Variants in KRT7 observed in about 807,000 individuals in gnomAD.
The protein encoded by KRT7 is keratin, type II cytoskeletal 7.
KRT7 carries 50 observed loss-of-function variants against 42.8 expected under a neutral mutation model. The observed-to-expected ratio is 1.17, with a 90% CI of 0.93 to 1.48. The LOEUF is 1.48. Among genes scored for constraint, KRT7 ranks in the 40% most tolerant of loss-of-function variants. The pLI is 0.00. For missense variants in KRT7, 588 were observed against 637.6 expected (o/e 0.92, Z 0.84); for synonymous variants, 268 against 266.3 (o/e 1.01, Z -0.06).
At chr12:52,238,229 G>A (rs1003414811) in intron 3 of KRT7, among the ~76,000 whole-genome samples, 4 of 152,188 alleles carry the variant, frequency 2.6e-5, no homozygotes, top group African/African-American at 9.7e-5. Flanking sequence ...AGGCCCACCT[G>A]CATCATAGTT....
At chr12:52,250,108 T>G (rs1416066499), downstream of KRT7, among the ~76,000 whole-genome samples, 3 of 152,102 alleles carry the variant, frequency 2.0e-5, no homozygotes, top group Admixed American at 2.0e-4. Flanking sequence ...TGCACGTGTA[T>G]TAGAAGACAT....
At chr12:52,235,411 A>T in intron 2 of KRT7, 45 bp downstream of exon 2, 1 of 1,525,132 alleles carries the variant, frequency 6.6e-7, no homozygotes, top group African/African-American at 1.4e-5. Flanking sequence ...CCCCGGGCCA[A>T]TGTGACCCTC....
At chr12:52,254,278 T>C (rs1942308974), downstream of KRT7, 1 of 956,914 alleles carries the variant, frequency 1.0e-6, no homozygotes, top group Non-Finnish European at 1.6e-6. Flanking sequence ...CCTCCTCATA[T>C]AGCCGCCTCA....
downstream of KRT7, chr12:52,253,631 C>T (rs1278861520): frequency 6.4e-7 from 1 of 1,557,296 alleles, no homozygotes; most frequent in Non-Finnish European, 8.8e-7. Context: ...CGGCCTCGGC[C>T]CGGCTGCGGG....
chr12:52,243,190 C>T lies in KRT7; in HGVS notation c.984+53C>T, dbSNP rs1045365635. 6.4e-6 allele frequency: 10 copies of T among 1,561,018 alleles called. No homozygotes were observed. In the African/African-American group the frequency reaches 1.2e-4, roughly 19 times the overall value. Reference sequence around the variant, plus strand: ...GCTACTTGGGGCATGCAGGGGTGGCCAGCTGAGGCCAAACTCAGGATGTGG... The same window carrying T: ...GCTACTTGGGGCATGCAGGGGTGGCTAGCTGAGGCCAAACTCAGGATGTGG... On this transcript the variant is annotated intron_variant, in intron 6 of 8. Coordinates refer to ENST00000331817, the MANE Select transcript of KRT7 (RefSeq NM_005556.4).
At chr12:52,244,138 G>C (rs1022093256) in intron 6 of KRT7, among the ~76,000 whole-genome samples, 25 of 152,240 alleles carry the variant, frequency 1.6e-4, no homozygotes, top group African/African-American at 5.8e-4. Flanking sequence ...TTCCAGATGA[G>C]CTGTGGGTGG....
At chr12:52,255,486 G>A (rs190296031), downstream of KRT7, 14 of 453,118 alleles carry the variant, frequency 3.1e-5, no homozygotes, top group Non-Finnish European at 4.0e-5. Flanking sequence ...AACACATTCC[G>A]GGAACTGGAT....
downstream of KRT7, chr12:52,254,249 G>A (rs769010177): frequency 6.0e-5 from 47 of 789,422 alleles, no homozygotes; most frequent in Non-Finnish European, 8.9e-5. Flanking sequence ...TTGCTGCCCC[G>A]CTGCTTTGTG....
At chr12:52,239,368 A>G (rs184802211) in intron 4 of KRT7, among the ~76,000 whole-genome samples, 2 of 152,330 alleles carry the variant, frequency 1.3e-5, no homozygotes, top group Admixed American at 1.3e-4. Context: ...ATTCAAGCAA[A>G]GGGCTAGTAT....
downstream of KRT7, chr12:52,252,240 T>A: frequency 1.9e-6 from 3 of 1,613,710 alleles, no homozygotes; most frequent in Non-Finnish European, 2.5e-6. Context: ...GGGGACACCC[T>A]CCCCACAGCT....
At position 52,237,571 on chromosome 12, in the gene KRT7, T is replaced by A. The variant is rs746006915; in HGVS notation, c.597+2T>A. 1 of 1,606,318 alleles carries A rather than the reference T, an allele frequency of 6.2e-7. No homozygotes were observed. Among genetic ancestry groups the A allele is most frequent in the East Asian group, 2.2e-5 (1 of 44,456 alleles). On this transcript the variant is annotated splice_donor_variant, in intron 3 of 8. Transcript: ENST00000331817. LOFTEE classifies it high-confidence loss of function. ...AATGAGTTTGTGGTGCTGAAGAAGG[T>A]GAGTGGGAAAGACAGGCTCGAGGAG...
downstream of KRT7, chr12:52,253,423 G>A: frequency 6.4e-7 from 1 of 1,571,592 alleles, no homozygotes; most frequent in South Asian, 1.1e-5. Flanking sequence ...AGGTTGTGCA[G>A]TGCTCAGCCT....
At chr12:52,247,309 C>T (rs1942189124) in intron 7 of KRT7, 1 of 152,246 alleles carries the variant, frequency 6.6e-6, no homozygotes, top group Admixed American at 6.5e-5. Context: ...TCTCCCCACC[C>T]ACAAGTGCCA....
At chr12:52,252,297 G>A (rs1453099981), downstream of KRT7, 8 of 1,614,008 alleles carry the variant, frequency 5.0e-6, no homozygotes, top group East Asian at 4.5e-5. Flanking sequence ...GCCTGTAGGT[G>A]GCGATCTCAA....
At chr12:52,250,604 G>T (rs1029214153), downstream of KRT7, 184 of 1,178,792 alleles carry the variant, frequency 1.6e-4, no homozygotes, top group Non-Finnish European at 2.0e-4. Context: ...ACACGCACAG[G>T]TCCCCGCATA....
At chr12:52,233,763 T>TG in intron 1 of KRT7, 143 bp downstream of exon 1, 3 of 826,124 alleles carry the variant, frequency 3.6e-6, no homozygotes, top group Non-Finnish European at 4.1e-6. Context: ...GGACACGATC[T>TG]GGGGGTCCTT....
chr12:52,233,246 G>C lies in KRT7; in HGVS notation c.-51G>C. The C allele has an allele frequency of 7.2e-7, 1 of 1,392,842 alleles. No individual in the cohort carries two copies. The highest frequency in any genetic ancestry group is 9.6e-7 in the Non-Finnish European group (1 of 1,046,068). The allele number at this position is 1,392,842 out of a possible 1,614,324, so 86.3% of individuals were successfully genotyped here. On this transcript the variant is annotated 5_prime_UTR_variant, in exon 1 of 9. Transcript: ENST00000331817. ...GGCGCGGAGTGTCCCCGAGGTCAGC[G>C]AGTGCGCGCTCCTCCTCGCCCGCCG...
chr12:52,241,659 T>A (rs2243588), intron 5 of KRT7, 23 bp downstream of exon 5: 1 of 1,582,998 alleles, frequency 6.3e-7, no homozygotes, highest in South Asian at 1.2e-5. Context: ...CAGGGGCGTA[T>A]TTCCTCCTGC....
rs1202496423 is a variant in KRT7 at position 52,237,721 on chromosome 12, C to CGTGTGT, written c.597+156_597+157insGTGTGT. The CGTGTGT allele has an allele frequency of 8.7e-4, 280 of 323,008 alleles. 1 individual carries two copies. The highest frequency in any genetic ancestry group is 2.9e-3 in the African/African-American group (86 of 29,290). The allele number at this position is 323,008 out of a possible 1,614,324, so 20.0% of individuals were successfully genotyped here. A position where few individuals can be genotyped will look rare whatever the true frequency, so the allele number is the denominator to read the frequency against. On this transcript the variant is annotated intron_variant, in intron 3 of 8. Coordinates refer to ENST00000331817, the MANE Select transcript of KRT7 (RefSeq NM_005556.4). ...GTCTGCACAGCCTGTCCTGTGGGTG[C>CGTGTGT]GTGTATGTGTGTGTGTGTGTGTGTG...
Sources: gnomAD v4.1 joint callset for allele counts (sites outside exome capture counted in the v4.1 genomes callset) on GRCh38, gnomAD v4.1.1 for gene constraint, MANE v1.5 for transcripts, NCBI Gene and HGNC (gene_info 2026-07-23, HGNC 2026-07-21) for gene names.